The following UBXN7 variants were observed in gnomAD, a reference collection of about 807,000 sequenced individuals.
UBXN7 encodes the protein UBX domain-containing protein 7.
A neutral mutation model predicts 58.0 loss-of-function variants in UBXN7; 9 were observed. The ratio of observed to expected loss-of-function variants is 0.16; its 90% confidence interval spans 0.09 to 0.27. The LOEUF (loss-of-function observed/expected upper bound fraction) is 0.27, where lower values mean the gene tolerates loss of function less well. UBXN7 is among the 10% of genes least tolerant of loss of function. UBXN7 has a pLI of 1.00. For missense variants in UBXN7, 328 were observed against 599.6 expected (o/e 0.55, Z 4.73); for synonymous variants, 208 against 205.0 (o/e 1.01, Z -0.12).
At chr3:196,389,263 T>C (rs1729506089) in intron 5 of UBXN7, among the ~76,000 whole-genome samples, 1 of 152,078 alleles carries the variant, frequency 6.6e-6, no homozygotes, top group Non-Finnish European at 1.5e-5. Flanking sequence ...GTTGAGACCA[T>C]GAAGGAAAGA....
At chr3:196,362,043 G>A in intron 9 of UBXN7, 120 bp from the exon 10 acceptor site, 2 of 1,090,664 alleles carry the variant, frequency 1.8e-6, no homozygotes, top group Non-Finnish European at 2.6e-6. Flanking sequence ...TGTTTTGCTG[G>A]AGTGCAGTGG....
In UBXN7 at chr3:196,388,246, G is replaced by C. The variant is rs148432838; in HGVS notation, c.468+3567C>G. On this transcript the variant is annotated intron_variant, in intron 5 of 10. Transcript: ENST00000296328. Reference sequence around the variant, plus strand: ...CTCACAGGTGGGTATTGAACAATGAGATCACTTGGATACAGGGCAGGGAAC... The same window carrying C: ...CTCACAGGTGGGTATTGAACAATGACATCACTTGGATACAGGGCAGGGAAC... 4.3e-3 allele frequency among the ~76,000 whole-genome samples: 615 copies of C among 144,012 alleles called. 20 individuals carry two copies. The South Asian group carries it at 0.075, about 18-fold the overall frequency. The allele number at this position is 144,012 out of a possible 152,430, so 94.5% of individuals were successfully genotyped here.
At chr3:196,407,043 G>A (rs564176155) in intron 2 of UBXN7, among the ~76,000 whole-genome samples, 47 of 152,274 alleles carry the variant, frequency 3.1e-4, no homozygotes, top group African/African-American at 9.4e-4. Flanking sequence ...GAGCCTACAC[G>A]GTTCCTTTGA....
rs541238020 is a variant in UBXN7, at chr3:196,390,752, A to C, written c.468+1061T>G. Reference sequence around the variant, plus strand: ...AAGGAAAAAAAAAAAAAAAAGACTCAACTGAAATGTAACTGATTTACATCT... The same window carrying C: ...AAGGAAAAAAAAAAAAAAAAGACTCCACTGAAATGTAACTGATTTACATCT... On this transcript the variant is annotated intron_variant, in intron 5 of 10. Transcript: ENST00000296328. 3.3e-5 allele frequency among the ~76,000 whole-genome samples: 5 copies of C among 152,014 alleles called. No homozygotes were observed. The East Asian group carries it at 9.7e-4, about 29-fold the overall frequency.
chr3:196,365,395 T>C (rs1311877748), intron 8 of UBXN7, among the ~76,000 whole-genome samples: 1 of 152,042 alleles, frequency 6.6e-6, no homozygotes, highest in Non-Finnish European at 1.5e-5. Flanking sequence ...CAGTTTTTTG[T>C]TTTGTTTTGT....
At chr3:196,357,546 G>C (rs1423381192) in intron 10 of UBXN7, among the ~76,000 whole-genome samples, 4 of 152,148 alleles carry the variant, frequency 2.6e-5, no homozygotes, top group Non-Finnish European at 5.9e-5. Context: ...GGCCAAGGAG[G>C]GGGACAGCTT....
intron 1 of UBXN7, among the ~76,000 whole-genome samples, chr3:196,417,122 G>A (rs1222229600): frequency 6.6e-6 from 1 of 152,096 alleles, no homozygotes; most frequent in Admixed American, 6.6e-5. Context: ...GACCATCCTG[G>A]CTAACACGGT....
intron 1 of UBXN7, chr3:196,431,727 AC>A: frequency 6.8e-6 from 3 of 444,096 alleles, no homozygotes; most frequent in Admixed American, 4.8e-5. Context: ...CCTCCTCAGC[AC>A]CCCCCGCTTC....
chr3:196,379,441 C>G (rs536199850), intron 5 of UBXN7, among the ~76,000 whole-genome samples: 1 of 152,292 alleles, frequency 6.6e-6, no homozygotes, highest in Middle Eastern at 3.4e-3. Context: ...TACCGAGCCC[C>G]TATTCAAAAT....
Position 196,362,409 on chromosome 3 carries a change from G to A in UBXN7, c.1113C>T (p.Val371=). 6.2e-7 allele frequency: 1 copy of A among 1,614,160 alleles called. No homozygotes were observed. Among genetic ancestry groups the A allele is most frequent in the Non-Finnish European group, 8.5e-7 (1 of 1,180,036 alleles). The change falls in exon 9 of 11, where the codon GTC becomes GTT. Residue 371 remains valine, a synonymous_variant. Coordinates refer to ENST00000296328, the MANE Select transcript of UBXN7 (RefSeq NM_015562.2). ...ENRRPLTEPP[V]RTDPGTATNH... is the part of the protein sequence containing the mutation. The stretch of plus-strand genomic sequence containing the variant: ...TTGTGGCTGTTCCAGGATCAGTTCT[G>A]ACTGGTGGCTCAGTCAGCGGCCTTC...
chr3:196,400,724 A>G, intron 3 of UBXN7: 1 of 377,932 alleles, frequency 2.6e-6, no homozygotes, highest in Non-Finnish European at 5.1e-6. Context: ...TGGGCAACAG[A>G]CTCCATTTCT....
At chr3:196,415,095 G>C (rs991292336) in intron 1 of UBXN7, among the ~76,000 whole-genome samples, 4 of 150,634 alleles carry the variant, frequency 2.7e-5, no homozygotes, top group African/African-American at 9.8e-5. Context: ...CTTTGTTTCA[G>C]TGTTTCCCTA....
intron 5 of UBXN7, among the ~76,000 whole-genome samples, chr3:196,390,634 A>G (rs1729553101): frequency 6.6e-6 from 1 of 151,320 alleles, no homozygotes; most frequent in African/African-American, 2.4e-5. Flanking sequence ...CCAGCTACTC[A>G]GGAGGCTGAG....
rs779228879 is a variant in UBXN7, at chr3:196,391,934, CA to C, written c.356-10del. 1 of 1,279,520 alleles carries C rather than the reference CA, an allele frequency of 7.8e-7. No homozygotes were observed. The highest frequency in any genetic ancestry group is 2.1e-4 in the Middle Eastern group (1 of 4,828). The allele number at this position is 1,279,520 out of a possible 1,614,324, so 79.3% of individuals were successfully genotyped here. ...TTCTTGTTCTTGCCGAACTATAATACAGAAGGATGAAAGTTTCAGTTAGCCA... is the reference window on the plus strand; with the variant it reads ...TTCTTGTTCTTGCCGAACTATAATACGAAGGATGAAAGTTTCAGTTAGCCA... On this transcript the variant is annotated splice_polypyrimidine_tract_variant and intron_variant, in intron 4 of 10. Transcript: ENST00000296328.
intron 3 of UBXN7, among the ~76,000 whole-genome samples, chr3:196,401,120 CAT>C (rs1349062053): frequency 2.7e-5 from 4 of 150,226 alleles, no homozygotes; most frequent in African/African-American, 9.8e-5. Flanking sequence ...AAGTTAAAAA[CAT>C]TTATCTCGGC....
chr3:196,392,711 G>A (rs1326177502), intron 4 of UBXN7, among the ~76,000 whole-genome samples: 3 of 152,168 alleles, frequency 2.0e-5, no homozygotes, highest in African/African-American at 7.2e-5. Flanking sequence ...GCTGAGGCAG[G>A]AGAATCGTTT....
intron 2 of UBXN7, among the ~76,000 whole-genome samples, chr3:196,404,552 G>A (rs1158523833): frequency 3.6e-5 from 5 of 137,172 alleles, no homozygotes; most frequent in African/African-American, 7.4e-5. Flanking sequence ...GTGAGCCACC[G>A]CGCCCGGCCA....
intron 5 of UBXN7, among the ~76,000 whole-genome samples, chr3:196,374,590 T>A (rs1728937597): frequency 6.7e-6 from 1 of 150,006 alleles, no homozygotes. Flanking sequence ...AATAAAAGAG[T>A]CTTGAATAGG....
chr3:196,418,889 A>G (rs1730588038), intron 1 of UBXN7, among the ~76,000 whole-genome samples: 1 of 152,194 alleles, frequency 6.6e-6, no homozygotes, highest in Non-Finnish European at 1.5e-5. Flanking sequence ...TTGCCATCCT[A>G]TCTACAATCT....
Sources: allele counts gnomAD v4.1 joint callset (sites outside exome capture counted in the v4.1 genomes callset), GRCh38; gene constraint gnomAD v4.1.1; transcripts MANE v1.5; gene names NCBI Gene and HGNC (gene_info 2026-07-23, HGNC 2026-07-21).